PLCB4: variants seen among roughly 807,000 people sequenced by gnomAD.
PLCB4 encodes the protein 1-phosphatidylinositol 4,5-bisphosphate phosphodiesterase beta-4.
PLCB4 carries 77 observed loss-of-function variants against 178.8 expected under a neutral mutation model. The observed-to-expected ratio is 0.43, with a 90% confidence interval of 0.36 to 0.52. The LOEUF is 0.52. Among genes scored for constraint, PLCB4 ranks in the 20% least tolerant of loss-of-function variants. The probability of loss-of-function intolerance (pLI) is 0.00; values close to 1 mark genes in which losing one functional copy is unlikely to be tolerated. For synonymous variants in PLCB4, 496 were observed against 490.8 expected (o/e 1.01, Z -0.14); for missense variants, 1,024 against 1,453.4 (o/e 0.70, Z 4.80).
intron 7 of PLCB4, among the ~76,000 whole-genome samples, chr20:9,344,431 G>A (rs12106105): frequency 0.28 from 42,128 of 152,098 alleles, 8,845 homozygotes; most frequent in African/African-American, 0.6. Context: ...TCTGCAGGAC[G>A]GCACTGTTCT....
At chr20:9,122,257 C>G (rs1482912720) in intron 2 of PLCB4, among the ~76,000 whole-genome samples, 5 of 151,528 alleles carry the variant, frequency 3.3e-5, no homozygotes, top group Non-Finnish European at 5.9e-5. Flanking sequence ...ACAAAAATTA[C>G]TATAACTATA....
chr20:9,081,229 CTAAAG>C (rs2090133082), intron 1 of PLCB4, among the ~76,000 whole-genome samples: 1 of 152,222 alleles, frequency 6.6e-6, no homozygotes, highest in Non-Finnish European at 1.5e-5. Flanking sequence ...TCCAAACCAG[CTAAAG>C]TAATTTGCAC....
intron 25 of PLCB4, among the ~76,000 whole-genome samples, chr20:9,415,280 T>G (rs1021066631): frequency 3.2e-4 from 48 of 152,308 alleles, no homozygotes; most frequent in Non-Finnish European, 6.0e-4. Flanking sequence ...TTATATTAGG[T>G]TCTATTTTAA....
chr20:9,384,154 G>A, intron 13 of PLCB4, 47 bp from the exon 14 acceptor site: 6 of 1,335,324 alleles, frequency 4.5e-6, no homozygotes, highest in Non-Finnish European at 6.5e-6. Context: ...CATGAGATAT[G>A]CATCTTCAGA....
chr20:9,078,307 T>C (rs1366286817), intron 1 of PLCB4, among the ~76,000 whole-genome samples: 1 of 151,770 alleles, frequency 6.6e-6, no homozygotes, highest in Non-Finnish European at 1.5e-5. Context: ...AAATGATATG[T>C]TGATAAAGGA....
chr20:9,428,265 A>G (rs1335195450), intron 28 of PLCB4, among the ~76,000 whole-genome samples: 1 of 152,180 alleles, frequency 6.6e-6, no homozygotes, highest in Admixed American at 6.5e-5. Context: ...ATTTGTTGAA[A>G]AACCCAGTTG....
intron 2 of PLCB4, among the ~76,000 whole-genome samples, chr20:9,162,011 T>C (rs889708043): frequency 6.6e-6 from 1 of 152,238 alleles, no homozygotes; most frequent in Non-Finnish European, 1.5e-5. Context: ...GATGAGAATT[T>C]TAATTCATAT....
chr20:9,468,596 C>G lies in PLCB4; in HGVS notation c.3274C>G (p.Gln1092Glu). The part of the protein sequence containing the change: ...DRESKEMRAH[Q>E]AKISMENSKA... Reference sequence around the variant, plus strand: ...GGAAAGCAAGGAAATGCGAGCACACCAGGCTAAGATTTCTATGGAAAATAG... The same window carrying G: ...GGAAAGCAAGGAAATGCGAGCACACGAGGCTAAGATTTCTATGGAAAATAG... Residue 1092 changes from glutamine to glutamate, a missense_variant, in exon 36 of 40, where the codon CAG becomes GAG. By Grantham distance (29) the Gln-to-Glu change is conservative. Around this residue, in one of 7 missense-constraint regions of PLCB4, gnomAD observed 264 missense variants for 283.2 expected, o/e 0.93. Coordinates refer to ENST00000378473, the MANE Select transcript of PLCB4 (RefSeq NM_001377142.1). 6.2e-7 allele frequency: 1 copy of G among 1,609,942 alleles called. No homozygotes were observed. The highest frequency in any genetic ancestry group is 8.5e-7 in the Non-Finnish European group (1 of 1,176,500).
chr20:9,127,845 C>T (rs558859389), intron 2 of PLCB4, among the ~76,000 whole-genome samples: 40 of 152,164 alleles, frequency 2.6e-4, no homozygotes, highest in Admixed American at 4.6e-4. Flanking sequence ...CCACCACACC[C>T]GGCTACTTTT....
At position 9,393,582 on chromosome 20, in the gene PLCB4, C is replaced by T; in HGVS notation, c.1324-6C>T. 6.3e-7 allele frequency: 1 copy of T among 1,586,998 alleles called. No individual in the cohort carries two copies. Among genetic ancestry groups the T allele is most frequent in the East Asian group, 2.2e-5 (1 of 44,748 alleles). ...CCTTAATTCAGCTCTTTCTGTTTCT[C>T]TCTAGCTTGAACCAGGCAGGGCTTT... On this transcript the variant is annotated splice_polypyrimidine_tract_variant and splice_region_variant and intron_variant, in intron 17 of 39. Coordinates refer to ENST00000378473, the MANE Select transcript of PLCB4 (RefSeq NM_001377142.1).
At chr20:9,307,985 A>G (rs1022404358) in intron 4 of PLCB4, 87 bp downstream of exon 4, 41 of 575,654 alleles carry the variant, frequency 7.1e-5, no homozygotes, top group Middle Eastern at 4.7e-4. Flanking sequence ...ATTCTTTGAC[A>G]TAAGTAAGAA....
intron 2 of PLCB4, among the ~76,000 whole-genome samples, chr20:9,191,672 G>C (rs1459402659): frequency 6.6e-6 from 1 of 151,890 alleles, no homozygotes; most frequent in African/African-American, 2.4e-5. Flanking sequence ...AATGGTCTGT[G>C]GTCAGTTTTG....
chr20:9,069,840 A>C lies in PLCB4; in HGVS notation c.-135+634A>C, dbSNP rs1324481758. On this transcript the variant is annotated intron_variant, in intron 1 of 39. Coordinates refer to ENST00000378473, the MANE Select transcript of PLCB4 (RefSeq NM_001377142.1). ...TGTGTTTAAGTGCAACTTTATCTAG[A>C]ATCATAAAACTAGCATTTTCCTAGA... 2.0e-5 allele frequency among the ~76,000 whole-genome samples: 3 copies of C among 152,142 alleles called. No individual in the cohort carries two copies. The East Asian group carries it at 5.8e-4, about 29-fold the overall frequency.
At chr20:9,373,450 TAGAA>T (rs1240966204) in intron 12 of PLCB4, among the ~76,000 whole-genome samples, 2 of 152,224 alleles carry the variant, frequency 1.3e-5, no homozygotes, top group Admixed American at 6.5e-5. Flanking sequence ...TCTCATTAAA[TAGAA>T]AGAGAATGGA....
chr20:9,320,910 G>A (rs946723535), intron 4 of PLCB4, among the ~76,000 whole-genome samples: 5 of 152,238 alleles, frequency 3.3e-5, no homozygotes, highest in African/African-American at 7.2e-5. Flanking sequence ...TGTTTTAAGA[G>A]CCCTCTCAGT....
chr20:9,410,968 C>A (rs2148512931), intron 24 of PLCB4, 69 bp from the exon 25 acceptor site: 1 of 1,121,328 alleles, frequency 8.9e-7, no homozygotes, highest in Non-Finnish European at 1.4e-6. Flanking sequence ...CCTATTGTTT[C>A]AAATCACCCC....
At chr20:9,153,837 C>T (rs1002732538) in intron 2 of PLCB4, among the ~76,000 whole-genome samples, 7 of 152,102 alleles carry the variant, frequency 4.6e-5, no homozygotes, top group African/African-American at 1.7e-4. Flanking sequence ...TATAATCAAC[C>T]AAAATTTTGC....
chr20:9,108,538 GT>G (rs1404384065), intron 2 of PLCB4, among the ~76,000 whole-genome samples: 2 of 152,026 alleles, frequency 1.3e-5, no homozygotes, highest in Non-Finnish European at 2.9e-5. Context: ...AGCACAACAT[GT>G]CAGCTTGAAT....
intron 4 of PLCB4, among the ~76,000 whole-genome samples, chr20:9,330,950 C>G (rs756762651): frequency 3.9e-5 from 6 of 152,194 alleles, no homozygotes; most frequent in African/African-American, 9.6e-5. Flanking sequence ...TCAGCATTTA[C>G]TTTGTCCCAG....
Sources: allele counts gnomAD v4.1 joint callset (sites outside exome capture counted in the v4.1 genomes callset), GRCh38; gene constraint gnomAD v4.1.1; regional missense constraint gnomAD v4.1.1; transcripts MANE v1.5; gene names NCBI Gene and HGNC (gene_info 2026-07-23, HGNC 2026-07-21).